Variants in HTRA1 observed in about 807,000 individuals in gnomAD.
HTRA1 encodes the protein HtrA serine peptidase 1.
A neutral mutation model predicts 49.7 loss-of-function variants in HTRA1; 26 were observed. The observed-to-expected ratio is 0.52, with a 90% CI of 0.38 to 0.73. The LOEUF is 0.73. Among genes scored for constraint, HTRA1 ranks in the 30% least tolerant of loss-of-function variants. The pLI, the probability that HTRA1 is intolerant of heterozygous loss-of-function variation, is 0.00. For synonymous variants in HTRA1, 291 were observed against 286.9 expected (o/e 1.01, Z -0.14); for missense variants, 561 against 667.2 (o/e 0.84, Z 1.75).
chr10:122,477,704 G>A (rs924858076), intron 1 of HTRA1, among the ~76,000 whole-genome samples: 3 of 152,184 alleles, frequency 2.0e-5, no homozygotes, highest in African/African-American at 7.2e-5. Context: ...TTTAGAGCAG[G>A]ACTTTGAGCA....
Position 122,490,001 on chromosome 10 carries a change from A to G in HTRA1, c.777+375A>G, listed in dbSNP as rs768670638. On this transcript the variant is annotated intron_variant, in intron 3 of 8. Transcript: ENST00000368984. The surrounding 1 kb of genome is among the most constrained non-coding windows in gnomAD (Gnocchi z 4.2). ...CTCCACAGATACATCATGCGTTCAC[A>G]ATGAACATAGAATTTACTGGGTTTT... Among the ~76,000 whole-genome samples, 4 of 152,214 alleles carry G rather than the reference A, an allele frequency of 2.6e-5. No homozygotes were observed. The highest frequency in any genetic ancestry group is 2.9e-5 in the Non-Finnish European group (2 of 68,040).
Position 122,508,789 on chromosome 10 carries a change from G to A in HTRA1, c.1120+19G>A, listed in dbSNP as rs371436960. 7.7e-5 allele frequency: 111 copies of A among 1,447,686 alleles called. No individual in the cohort carries two copies. The highest frequency in any genetic ancestry group is 1.0e-4 in the Non-Finnish European group (104 of 1,028,150). The allele number at this position is 1,447,686 out of a possible 1,614,324, so 89.7% of individuals were successfully genotyped here. A position where few individuals can be genotyped will look rare whatever the true frequency, so the allele number is the denominator to read the frequency against. On this transcript the variant is annotated intron_variant, in intron 6 of 8. Coordinates refer to ENST00000368984, the MANE Select transcript of HTRA1 (RefSeq NM_002775.5). ...GCCAAAGGTAGGCAAGGCCCACACA[G>A]CCCTGGGGACTCCGGAGATGGGGCC... is the stretch of plus-strand genomic sequence containing the variant.
chr10:122,484,425 G>T (rs781546685), intron 1 of HTRA1, among the ~76,000 whole-genome samples: 5 of 152,176 alleles, frequency 3.3e-5, no homozygotes, highest in Non-Finnish European at 5.9e-5. Context: ...CAGCTTCCCT[G>T]GATCATACCT....
rs149607429 is a variant in HTRA1, at chr10:122,467,904, G to A, written c.472+5780G>A. Among the ~76,000 whole-genome samples, 49 of 152,296 alleles carry A rather than the reference G, an allele frequency of 3.2e-4. No individual in the cohort carries two copies. In the East Asian group the frequency reaches 5.8e-3, roughly 18 times the overall value. ...CAGTGATTCAGCACTACTTGGTGAC[G>A]TGTGCCTAGAACCACAGGGGGACAT... On this transcript the variant is annotated intron_variant, in intron 1 of 8. Coordinates refer to ENST00000368984, the MANE Select transcript of HTRA1 (RefSeq NM_002775.5).
chr10:122,502,039 T>C (rs968728968), intron 3 of HTRA1, among the ~76,000 whole-genome samples: 2 of 145,986 alleles, frequency 1.4e-5, no homozygotes, highest in Non-Finnish European at 3.0e-5. Flanking sequence ...CACAAACTAT[T>C]TTTAGTGCTG....
At position 122,514,509 on chromosome 10, in the gene HTRA1, T is replaced by C; in HGVS notation, c.*150T>C. The C allele has an allele frequency of 1.3e-6, 1 of 745,378 alleles. No homozygotes were observed. The highest frequency in any genetic ancestry group is 2.6e-5 in the East Asian group (1 of 37,840). The allele number at this position is 745,378 out of a possible 1,614,324, so 46.2% of individuals were successfully genotyped here. A position where few individuals can be genotyped will look rare whatever the true frequency, so the allele number is the denominator to read the frequency against. Reference sequence around the variant, plus strand: ...GACTCCCTGGCCAACAGAATCCTTCTTGATAGTTTGCAGGCAAAACAAATG... The same window carrying C: ...GACTCCCTGGCCAACAGAATCCTTCCTGATAGTTTGCAGGCAAAACAAATG... On this transcript the variant is annotated 3_prime_UTR_variant, in exon 9 of 9. Transcript: ENST00000368984.
intron 1 of HTRA1, among the ~76,000 whole-genome samples, chr10:122,469,195 A>G (rs1333229762): frequency 1.3e-5 from 2 of 152,170 alleles, no homozygotes. Flanking sequence ...TGCAATAAAG[A>G]TGGTAGGCCT....
intron 8 of HTRA1, among the ~76,000 whole-genome samples, chr10:122,512,739 G>T (rs2097506199): frequency 6.6e-6 from 1 of 152,026 alleles, no homozygotes; most frequent in Non-Finnish European, 1.5e-5. Context: ...GGGAACAGGT[G>T]GTATTTGGTT....
chr10:122,470,373 G>A (rs1167567684), intron 1 of HTRA1, among the ~76,000 whole-genome samples: 2 of 152,164 alleles, frequency 1.3e-5, no homozygotes, highest in Non-Finnish European at 2.9e-5. Flanking sequence ...TGGCATAAGG[G>A]GTATGGAGGA....
intron 5 of HTRA1, 136 bp from the exon 6 acceptor site, chr10:122,508,520 G>A (rs2097504154): frequency 6.7e-6 from 5 of 751,198 alleles, no homozygotes; most frequent in Admixed American, 1.8e-5. Context: ...CTGCTGCCAC[G>A]GGGATCCCCT....
At chr10:122,466,683 G>A (rs2672597) in intron 1 of HTRA1, among the ~76,000 whole-genome samples, 31,085 of 151,990 alleles carry the variant, frequency 0.2, 3,428 homozygotes, top group Non-Finnish European at 0.25. Context: ...CAGTTTGCTC[G>A]AGAGTCATTT....
rs1282327094 is a variant in HTRA1, at chr10:122,471,483, C to A, written c.472+9359C>A. On this transcript the variant is annotated intron_variant, in intron 1 of 8. Coordinates refer to ENST00000368984, the MANE Select transcript of HTRA1 (RefSeq NM_002775.5). Reference sequence around the variant, plus strand: ...CTTTCACACCCATCTCTGACCACATCAACTCCCTGTTTGCATGCATCTTGT... The same window carrying A: ...CTTTCACACCCATCTCTGACCACATAAACTCCCTGTTTGCATGCATCTTGT... 3.9e-5 allele frequency among the ~76,000 whole-genome samples: 6 copies of A among 152,222 alleles called. 1 individual carries two copies. The highest frequency in any genetic ancestry group is 8.8e-5 in the Non-Finnish European group (6 of 68,034).
At chr10:122,510,402 C>T (rs1412433231) in intron 7 of HTRA1, among the ~76,000 whole-genome samples, 1 of 152,200 alleles carries the variant, frequency 6.6e-6, no homozygotes, top group Non-Finnish European at 1.5e-5. Context: ...GTAGAAGGTT[C>T]TGCCCTCCTC....
chr10:122,485,220 G>T (rs1159931304), intron 1 of HTRA1, among the ~76,000 whole-genome samples: 2 of 152,184 alleles, frequency 1.3e-5, no homozygotes, highest in Non-Finnish European at 2.9e-5. Context: ...TGCTTCTTCT[G>T]TTTAGTTATT....
At chr10:122,482,637 C>T (rs560152806) in intron 1 of HTRA1, among the ~76,000 whole-genome samples, 17 of 152,084 alleles carry the variant, frequency 1.1e-4, no homozygotes, top group Admixed American at 2.0e-4. Flanking sequence ...AGCACATATT[C>T]GGCCAGGTGC....
intron 1 of HTRA1, among the ~76,000 whole-genome samples, chr10:122,473,081 T>C (rs1031319941): frequency 7.9e-5 from 12 of 152,254 alleles, no homozygotes; most frequent in Non-Finnish European, 1.2e-4. Flanking sequence ...ATTCCTTTTT[T>C]GGTCTTACAG....
chr10:122,510,953 C>T (rs886812836), intron 7 of HTRA1, among the ~76,000 whole-genome samples: 2 of 152,250 alleles, frequency 1.3e-5, no homozygotes, highest in African/African-American at 2.4e-5. Flanking sequence ...AGTGTCCCCT[C>T]AGTTGTTTGC....
intron 3 of HTRA1, among the ~76,000 whole-genome samples, chr10:122,496,231 T>G (rs2097498654): frequency 1.5e-5 from 1 of 65,384 alleles, no homozygotes; most frequent in African/African-American, 5.3e-5. Context: ...GTGGGTTCTT[T>G]TTTTTTTTTT....
chr10:122,499,136 A>T (rs937063395), intron 3 of HTRA1, among the ~76,000 whole-genome samples: 2 of 152,162 alleles, frequency 1.3e-5, no homozygotes, highest in African/African-American at 4.8e-5. Flanking sequence ...CACCCGACAC[A>T]GAAGCGGCAG....
Sources: allele counts gnomAD v4.1 joint callset (sites outside exome capture counted in the v4.1 genomes callset), GRCh38; gene constraint gnomAD v4.1.1; non-coding constraint Gnocchi (gnomAD v3.1); transcripts MANE v1.5; gene names NCBI Gene and HGNC (gene_info 2026-07-23, HGNC 2026-07-21).